The following EIF4E2 variants were observed in gnomAD, a reference collection of about 807,000 sequenced individuals.
The protein encoded by EIF4E2 is eukaryotic translation initiation factor 4E type 2.
A neutral mutation model predicts 34.2 loss-of-function variants in EIF4E2; 13 were observed. That is an observed-to-expected ratio of 0.38 (90% CI 0.25 to 0.60). The LOEUF (loss-of-function observed/expected upper bound fraction) is 0.60. Ranked by LOEUF, EIF4E2 falls within the 20% of genes least tolerant of loss-of-function variation. The probability of loss-of-function intolerance (pLI) is 0.62; values close to 1 mark genes in which losing one functional copy is unlikely to be tolerated. For missense variants in EIF4E2, 222 were observed against 315.1 expected, an observed-to-expected ratio of 0.70 and a Z score of 2.24; for synonymous variants, 100 against 106.6, an observed-to-expected ratio of 0.94 and a Z score of 0.38.
intron 3 of EIF4E2, among the ~76,000 whole-genome samples, chr2:232,562,280 A>C (rs1456546000): frequency 6.6e-6 from 1 of 152,182 alleles, no homozygotes; most frequent in Non-Finnish European, 1.5e-5. Flanking sequence ...TATGGTTTGC[A>C]TATAAGATTG....
At chr2:232,568,665 T>G (rs1693016171) in intron 6 of EIF4E2, 1 of 985,264 alleles carries the variant, frequency 1.0e-6, no homozygotes, top group South Asian at 4.7e-5. Context: ...TTCTCTGCTC[T>G]TCTCCCTTTC....
At position 232,566,794 on chromosome 2, in the gene EIF4E2, A is replaced by G. The variant is rs778597796; in HGVS notation, c.376-35A>G. 64 of 1,612,318 alleles carry G rather than the reference A, an allele frequency of 4.0e-5. No individual in the cohort carries two copies. The highest frequency in any genetic ancestry group is 4.7e-5 in the Non-Finnish European group (56 of 1,179,576). ...TCATACAAAAAAAGGCTGTGAAACC[A>G]TATTTTAACTTCAGTGCTTTCTGTC... On this transcript the variant is annotated intron_variant, in intron 4 of 6. Coordinates refer to ENST00000258416, the MANE Select transcript of EIF4E2 (RefSeq NM_004846.4). The surrounding 1 kb of genome is among the most constrained non-coding windows in gnomAD (Gnocchi z 4.9).
chr2:232,581,507 A>G lies in EIF4E2; in HGVS notation c.*564A>G, dbSNP rs534850874. On this transcript the variant is annotated 3_prime_UTR_variant, in exon 7 of 7. Coordinates refer to the EIF4E2 transcript ENST00000409098. The surrounding 1 kb of genome is among the most constrained non-coding windows in gnomAD (Gnocchi z 5.2). ...ATGTGATGACTGTCCAGGATTTTGTATCATCCCCTGCCTTATGCCCTCCGG... is the reference window on the plus strand; with the variant it reads ...ATGTGATGACTGTCCAGGATTTTGTGTCATCCCCTGCCTTATGCCCTCCGG... 1.8e-4 allele frequency: 43 copies of G among 240,874 alleles called. No individual in the cohort carries two copies. The South Asian group carries it at 2.1e-3, about 12-fold the overall frequency. The allele number at this position is 240,874 out of a possible 1,614,324, so 14.9% of individuals were successfully genotyped here. A position where few individuals can be genotyped will look rare whatever the true frequency, so the allele number is the denominator to read the frequency against.
At chr2:232,554,494 C>G (rs1032801327) in intron 1 of EIF4E2, among the ~76,000 whole-genome samples, 1 of 152,126 alleles carries the variant, frequency 6.6e-6, no homozygotes, top group African/African-American at 2.4e-5. Flanking sequence ...TCTGGTAGCT[C>G]ATACACACCA....
chr2:232,579,123 T>C (rs1410657833), intron 6 of EIF4E2, among the ~76,000 whole-genome samples: 2 of 146,518 alleles, frequency 1.4e-5, no homozygotes, highest in Admixed American at 6.9e-5. Context: ...AACTCAGAAA[T>C]ACACACACAC....
downstream of EIF4E2, among the ~76,000 whole-genome samples, chr2:232,573,422 G>A (rs1693136996): frequency 6.6e-6 from 1 of 152,118 alleles, no homozygotes; most frequent in Admixed American, 6.5e-5. Context: ...AAAGTGGCTA[G>A]GGCTTAGGTA....
chr2:232,567,419 CAGAG>C, intron 6 of EIF4E2: 1 of 1,373,174 alleles, frequency 7.3e-7, no homozygotes, highest in Non-Finnish European at 9.4e-7. Flanking sequence ...TGCTTTGTAG[CAGAG>C]AGAGCCCATC....
rs1028705219 is a variant in EIF4E2 at position 232,566,226 on chromosome 2, T to A, written c.376-603T>A. On this transcript the variant is annotated intron_variant, in intron 4 of 6. Coordinates refer to ENST00000258416, the MANE Select transcript of EIF4E2 (RefSeq NM_004846.4). This position sits in a 1 kb window ranked among gnomAD's most constrained non-coding sequence, Gnocchi z 4.9. ...TTTTGAGACGGAGTCTTGCTGTGTT[T>A]CCCAGGCGGGAGTGCAGTGGCACGA... Among the ~76,000 whole-genome samples, 2 of 152,222 alleles carry A rather than the reference T, an allele frequency of 1.3e-5. No homozygotes were observed. Among genetic ancestry groups the A allele is most frequent in the African/African-American group, 4.8e-5 (2 of 41,460 alleles).
chr2:232,573,537 G>A (rs1284750358), downstream of EIF4E2, among the ~76,000 whole-genome samples: 1 of 152,118 alleles, frequency 6.6e-6, no homozygotes, highest in African/African-American at 2.4e-5. Flanking sequence ...TCTTTTCTCT[G>A]TAAGCGAAAG....
chr2:232,567,753 C>A, intron 6 of EIF4E2: 1 of 988,164 alleles, frequency 1.0e-6, no homozygotes, highest in Non-Finnish European at 1.2e-6. Flanking sequence ...ATGAAGGCCA[C>A]AGGGAAAATA....
At chr2:232,565,620 C>T (rs759007886) in intron 4 of EIF4E2, among the ~76,000 whole-genome samples, 3 of 151,012 alleles carry the variant, frequency 2.0e-5, no homozygotes, top group Admixed American at 6.6e-5. Context: ...GGTGACAGAG[C>T]GAGACTCCAT....
In EIF4E2 at chr2:232,567,159, C is replaced by T. The variant is rs779332394; in HGVS notation, c.610C>T (p.Leu204Phe). ...ARIRDTLRRV[L>F]NLPPNTIMEY... ...AATCCGGGACACACTTCGGCGAGTGCTTAACCTACCTCCCAACACCATTAT... is the reference window on the plus strand; with the variant it reads ...AATCCGGGACACACTTCGGCGAGTGTTTAACCTACCTCCCAACACCATTAT... Residue 204 changes from leucine (L) to phenylalanine (F), a missense_variant, in exon 6 of 7, where the codon CTT becomes TTT. Leu to Phe is a conservative substitution (Grantham distance 22). This residue lies in a region of EIF4E2 where 105 missense variants were observed against 195.1 expected (regional missense o/e 0.54). Coordinates refer to ENST00000258416, the MANE Select transcript of EIF4E2 (RefSeq NM_004846.4). The T allele has an allele frequency of 5.6e-6, 9 of 1,614,098 alleles. No individual in the cohort carries two copies. The highest frequency in any genetic ancestry group is 1.7e-6 in the Non-Finnish European group (2 of 1,180,052).
chr2:232,576,445 G>A (rs1460046221), intron 6 of EIF4E2, among the ~76,000 whole-genome samples: 3 of 152,084 alleles, frequency 2.0e-5, no homozygotes, highest in African/African-American at 4.8e-5. Flanking sequence ...TTGAATTGCC[G>A]TAAAAAGTCA....
At chr2:232,577,692 G>A (rs1015348148) in intron 6 of EIF4E2, among the ~76,000 whole-genome samples, 2 of 152,330 alleles carry the variant, frequency 1.3e-5, no homozygotes, top group African/African-American at 4.8e-5. Context: ...ATATTTCTGA[G>A]ACATCATCAG....
rs550163577 is a variant in EIF4E2, at chr2:232,566,058, C to T, written c.376-771C>T. Among the ~76,000 whole-genome samples the T allele has an allele frequency of 4.2e-4, 63 of 151,116 alleles. 1 individual carries two copies. Among genetic ancestry groups the T allele is most frequent in the African/African-American group, 1.5e-3 (61 of 41,110 alleles). ...AGTGAGCCGATATCGCACCACTGCA[C>T]TCCAGACTGGGTGACAGCGGGAGAC... On this transcript the variant is annotated intron_variant, in intron 4 of 6. Coordinates refer to ENST00000258416, the MANE Select transcript of EIF4E2 (RefSeq NM_004846.4). This position sits in a 1 kb window ranked among gnomAD's most constrained non-coding sequence, Gnocchi z 4.9.
intron 3 of EIF4E2, among the ~76,000 whole-genome samples, chr2:232,560,194 G>A (rs181918595): frequency 1.3e-5 from 2 of 152,024 alleles, no homozygotes; most frequent in Non-Finnish European, 2.9e-5. Flanking sequence ...TCTCTTCATC[G>A]TATCCTTTGT....
rs1033345475 is a variant in EIF4E2 at position 232,581,699 on chromosome 2, A to G, written c.*756A>G. The G allele has an allele frequency of 6.5e-6, 1 of 154,730 alleles. No homozygotes were observed. Among genetic ancestry groups the G allele is most frequent in the Admixed American group, 6.4e-5 (1 of 15,632 alleles). The allele number at this position is 154,730 out of a possible 1,614,324, so 9.6% of individuals were successfully genotyped here. On this transcript the variant is annotated 3_prime_UTR_variant, in exon 7 of 7. Transcript: ENST00000409098. The surrounding 1 kb of genome is among the most constrained non-coding windows in gnomAD (Gnocchi z 5.2). ...GAGCTAGATTATAATCTAGGTTCCA[A>G]GTACAGAATTTGGAGCTAAGGACTG... is the stretch of plus-strand genomic sequence containing the variant.
chr2:232,578,703 C>T (rs990311232), intron 6 of EIF4E2, among the ~76,000 whole-genome samples: 2 of 152,060 alleles, frequency 1.3e-5, no homozygotes, highest in Non-Finnish European at 2.9e-5. Flanking sequence ...TTATTTCTGG[C>T]CCACCTAGTA....
At position 232,569,136 on chromosome 2, in the gene EIF4E2, T is replaced by C; in HGVS notation, c.*119T>C. The C allele has an allele frequency of 6.6e-7, 1 of 1,504,512 alleles. No individual in the cohort carries two copies. Among genetic ancestry groups the C allele is most frequent in the Non-Finnish European group, 8.9e-7 (1 of 1,125,612 alleles). The allele number at this position is 1,504,512 out of a possible 1,614,324, so 93.2% of individuals were successfully genotyped here. On this transcript the variant is annotated 3_prime_UTR_variant, in exon 7 of 7. Coordinates refer to ENST00000258416, the MANE Select transcript of EIF4E2 (RefSeq NM_004846.4). ...GGACAAGAGGAATTGGAAGAGCATTTTATGTTTTAAGAACAGGCTGACACG... is the reference window on the plus strand; with the variant it reads ...GGACAAGAGGAATTGGAAGAGCATTCTATGTTTTAAGAACAGGCTGACACG...
Sources: allele counts gnomAD v4.1 joint callset (sites outside exome capture counted in the v4.1 genomes callset), GRCh38; gene constraint gnomAD v4.1.1; regional missense constraint gnomAD v4.1.1; non-coding constraint Gnocchi (gnomAD v3.1); transcripts MANE v1.5; gene names NCBI Gene and HGNC (gene_info 2026-07-23, HGNC 2026-07-21).